The following ELF1 variants were observed in gnomAD, a reference collection of about 807,000 sequenced individuals.
ELF1 encodes the protein ETS-related transcription factor Elf-1.
A neutral mutation model predicts 59.9 loss-of-function variants in ELF1; 24 were observed. The observed-to-expected ratio is 0.40, with a 90% CI of 0.29 to 0.56. ELF1 has a LOEUF of 0.56. Among genes scored for constraint, ELF1 ranks in the 20% least tolerant of loss-of-function variants. The probability of loss-of-function intolerance (pLI) is 0.44; values close to 1 mark genes in which losing one functional copy is unlikely to be tolerated. For missense variants in ELF1, 627 were observed against 742.2 expected (o/e 0.84, Z 1.80); for synonymous variants, 248 against 266.2 (o/e 0.93, Z 0.67).
intron 1 of ELF1, among the ~76,000 whole-genome samples, chr13:41,006,266 T>G (rs1874753000): frequency 6.6e-6 from 1 of 151,764 alleles, no homozygotes; most frequent in Non-Finnish European, 1.5e-5. Context: ...TTAGTATATC[T>G]CTGCTCTCAC....
chr13:41,013,726 CTA>C (rs1487128278), intron 1 of ELF1, among the ~76,000 whole-genome samples: 1 of 151,350 alleles, frequency 6.6e-6, no homozygotes, highest in Non-Finnish European at 1.5e-5. Flanking sequence ...TATTTAAACT[CTA>C]TGTTTTATAT....
chr13:41,022,165 T>C (rs572784889), upstream of ELF1, among the ~76,000 whole-genome samples: 11 of 152,324 alleles, frequency 7.2e-5, no homozygotes, highest in South Asian at 2.3e-3. Flanking sequence ...TCCATCAATG[T>C]GTGAATGGAT....
At chr13:40,949,147 G>A (rs941706249) in intron 5 of ELF1, among the ~76,000 whole-genome samples, 4 of 151,764 alleles carry the variant, frequency 2.6e-5, no homozygotes, top group Admixed American at 6.6e-5. Context: ...CAACATGCCC[G>A]GCTAATTTTC....
chr13:41,061,319 G>A, exon 1 of ELF1: 1 of 396,268 alleles, frequency 2.5e-6, no homozygotes, highest in Non-Finnish European at 4.7e-6. Context: ...ACACAGAGAC[G>A]GCGGGATGGC....
intron 1 of ELF1, among the ~76,000 whole-genome samples, chr13:41,007,581 T>C (rs1210117017): frequency 6.6e-6 from 1 of 152,158 alleles, no homozygotes; most frequent in Non-Finnish European, 1.5e-5. Context: ...ATCAACTAAA[T>C]GGAAGCACTG....
At chr13:40,959,170 T>C (rs1246185667) in intron 2 of ELF1, among the ~76,000 whole-genome samples, 154 bp from the exon 3 acceptor site, 1 of 152,202 alleles carries the variant, frequency 6.6e-6, no homozygotes, top group Non-Finnish European at 1.5e-5. Context: ...TTAGGTAATT[T>C]GTATCTATTA....
At chr13:40,935,442 A>C (rs1395556150) in intron 8 of ELF1, among the ~76,000 whole-genome samples, 1 of 152,184 alleles carries the variant, frequency 6.6e-6, no homozygotes, top group Admixed American at 6.5e-5. Flanking sequence ...AAAATAGTGG[A>C]GGAGAAAAAC....
At chr13:41,052,460 C>T (rs1877125498) in intron 1 of ELF1, among the ~76,000 whole-genome samples, 1 of 152,076 alleles carries the variant, frequency 6.6e-6, no homozygotes, top group African/African-American at 2.4e-5. Context: ...ATAGCAAAAC[C>T]ATTAAAGAAG....
chr13:40,933,452 G>C lies in ELF1; in HGVS notation c.1833C>G (p.Asn611Lys). Reference sequence around the variant, plus strand: ...AAAAAGAGTTGGGTTCCAGCAGTTCGTTTTGTTTCATAGCTACCTGAGAAG... The same window carrying C: ...AAAAAGAGTTGGGTTCCAGCAGTTCCTTTTGTTTCATAGCTACCTGAGAAG... ...GFTSQVAMKQ[N>K]ELLEPNSF Residue 611 changes from asparagine to lysine, a missense_variant, in exon 9 of 9, where the codon AAC becomes AAG. By Grantham distance (94) the Asn-to-Lys change is moderately conservative. Transcript: ENST00000239882. 6.2e-7 allele frequency: 1 copy of C among 1,613,654 alleles called. No individual in the cohort carries two copies. Among genetic ancestry groups the C allele is most frequent in the Non-Finnish European group, 8.5e-7 (1 of 1,179,774 alleles).
intron 2 of ELF1, among the ~76,000 whole-genome samples, chr13:40,968,257 T>C (rs1872307430): frequency 6.6e-6 from 1 of 152,174 alleles, no homozygotes; most frequent in Non-Finnish European, 1.5e-5. Context: ...CATTACCTCA[T>C]ATAAACCATG....
intron 2 of ELF1, among the ~76,000 whole-genome samples, chr13:40,972,866 C>T (rs557376658): frequency 2.0e-4 from 31 of 152,074 alleles, no homozygotes; most frequent in Admixed American, 3.9e-4. Context: ...GGGCAGTGGA[C>T]TGAACACACA....
At position 40,985,572 on chromosome 13, in the gene ELF1, A is replaced by T. The variant is rs369264634; in HGVS notation, c.-228-3290T>A. Among the ~76,000 whole-genome samples the T allele has an allele frequency of 3.3e-3, 500 of 152,334 alleles. 3 individuals carry two copies. Among genetic ancestry groups the T allele is most frequent in the African/African-American group, 0.011 (472 of 41,578 alleles). On this transcript the variant is annotated intron_variant, in intron 1 of 8. Coordinates refer to ENST00000239882, the MANE Select transcript of ELF1 (RefSeq NM_172373.4). ...GTAAACGCATATGTAAAAAATTTTT[A>T]AAATCTCCATCTCTAGGTTCAGCTT...
intron 1 of ELF1, among the ~76,000 whole-genome samples, chr13:40,983,514 A>G (rs1363004645): frequency 6.6e-6 from 1 of 152,172 alleles, no homozygotes; most frequent in East Asian, 1.9e-4. Context: ...TCAAAATAAA[A>G]TAAGAATTAA....
At chr13:41,005,580 T>C (rs924870468) in intron 1 of ELF1, among the ~76,000 whole-genome samples, 15 of 151,558 alleles carry the variant, frequency 9.9e-5, no homozygotes, top group Non-Finnish European at 1.8e-4. Flanking sequence ...TTATCAGCAC[T>C]CTCCTGTACT....
chr13:40,960,956 C>T (rs558917678), intron 2 of ELF1, among the ~76,000 whole-genome samples: 7 of 152,252 alleles, frequency 4.6e-5, no homozygotes, highest in African/African-American at 7.2e-5. Flanking sequence ...CTGCAACCTC[C>T]GCCTCCCAGG....
intron 2 of ELF1, among the ~76,000 whole-genome samples, chr13:40,970,339 A>G (rs1389487396): frequency 1.3e-5 from 2 of 151,962 alleles, no homozygotes; most frequent in Admixed American, 6.6e-5. Flanking sequence ...AGCTTGCCCT[A>G]CAAATCTATC....
chr13:40,982,641 C>A (rs534579216), intron 1 of ELF1, among the ~76,000 whole-genome samples: 17 of 151,946 alleles, frequency 1.1e-4, no homozygotes, highest in African/African-American at 3.9e-4. Flanking sequence ...TTTTCACCAA[C>A]TCAGCAAAGC....
chr13:40,945,082 A>C (rs1275795293), intron 5 of ELF1, among the ~76,000 whole-genome samples: 2 of 152,212 alleles, frequency 1.3e-5, no homozygotes, highest in Non-Finnish European at 2.9e-5. Context: ...ACCCTTCATG[A>C]GACAGATTCT....
chr13:41,052,832 T>A (rs1029556898), intron 1 of ELF1, among the ~76,000 whole-genome samples: 28 of 152,218 alleles, frequency 1.8e-4, no homozygotes, highest in African/African-American at 6.3e-4. Context: ...ATATGGCAAT[T>A]TACCTTGTAA....
Sources: gnomAD v4.1 joint callset for allele counts (sites outside exome capture counted in the v4.1 genomes callset) on GRCh38, gnomAD v4.1.1 for gene constraint, MANE v1.5 for transcripts, NCBI Gene and HGNC (gene_info 2026-07-23, HGNC 2026-07-21) for gene names.